SMC6: variants seen among roughly 807,000 people sequenced by gnomAD.
The protein encoded by SMC6 is structural maintenance of chromosomes 6.
SMC6 carries 79 observed loss-of-function variants against 142.2 expected under a neutral mutation model. The observed-to-expected ratio is 0.56, with a 90% CI of 0.46 to 0.67. The LOEUF is 0.67. Among genes scored for constraint, SMC6 ranks in the 30% least tolerant of loss-of-function variants. SMC6 has a pLI of 0.00. For synonymous variants in SMC6, 411 were observed against 412.4 expected (o/e 1.00, Z 0.04); for missense variants, 1,072 against 1,284.0 (o/e 0.83, Z 2.52).
intron 25 of SMC6, among the ~76,000 whole-genome samples, chr2:17,673,309 C>A (rs1403973365): frequency 6.6e-6 from 1 of 152,008 alleles, no homozygotes; most frequent in African/African-American, 2.4e-5. Context: ...TCACAAATAT[C>A]TTTTCCTAGT....
intron 6 of SMC6, 92 bp downstream of exon 6, chr2:17,731,648 AG>A: frequency 8.1e-7 from 1 of 1,230,670 alleles, no homozygotes; most frequent in Non-Finnish European, 1.2e-6. Flanking sequence ...TCATGTTACA[AG>A]GAAGATAGTT....
At chr2:17,701,992 G>A in intron 19 of SMC6, 83 bp from the exon 20 acceptor site, 1 of 706,500 alleles carries the variant, frequency 1.4e-6, no homozygotes, top group Non-Finnish European at 2.4e-6. Flanking sequence ...AATCTACAAA[G>A]CTCTATAATG....
In SMC6 at chr2:17,666,569, G is replaced by A. The variant is rs1409443830; in HGVS notation, c.3064-52C>T. 3 of 1,369,758 alleles carry A rather than the reference G, an allele frequency of 2.2e-6. No homozygotes were observed. In the Admixed American group the frequency reaches 5.2e-5, roughly 24 times the overall value. 84.9% of individuals were successfully genotyped at this position (1,369,758 alleles called of 1,614,324 possible). A position where few individuals can be genotyped will look rare whatever the true frequency, so the allele number is the denominator to read the frequency against. On this transcript the variant is annotated intron_variant, in intron 26 of 27. Transcript: ENST00000448223. The stretch of plus-strand genomic sequence containing the variant: ...TTGCTATTGTGTAAGTCACATTTCT[G>A]TAAAAGCAGCATTCTGTGGGCTGAT...
At chr2:17,747,416 T>C (rs781440067) in intron 2 of SMC6, among the ~76,000 whole-genome samples, 22 of 152,192 alleles carry the variant, frequency 1.4e-4, no homozygotes, top group Non-Finnish European at 5.9e-5. Context: ...TGTAATCTCT[T>C]TTACAAAGGA....
At chr2:17,715,128 C>T (rs1463536170) in intron 15 of SMC6, 63 bp from the exon 16 acceptor site, 2 of 1,466,356 alleles carry the variant, frequency 1.4e-6, no homozygotes, top group Non-Finnish European at 1.9e-6. Flanking sequence ...TTAACATCCT[C>T]CTCTTTAATT....
intron 3 of SMC6, among the ~76,000 whole-genome samples, chr2:17,743,550 C>CGTG (rs1360097438): frequency 6.6e-6 from 1 of 152,116 alleles, no homozygotes; most frequent in Non-Finnish European, 1.5e-5. Flanking sequence ...CCACTATCAG[C>CGTG]GTGGTACATG....
intron 9 of SMC6, among the ~76,000 whole-genome samples, chr2:17,724,774 G>A (rs1572333687): frequency 6.6e-6 from 1 of 152,172 alleles, no homozygotes; most frequent in African/African-American, 2.4e-5. Flanking sequence ...CCTACCAGTT[G>A]CTTAAGGAAT....
chr2:17,709,498 A>G (rs73921051), intron 16 of SMC6, among the ~76,000 whole-genome samples: 3,424 of 152,272 alleles, frequency 0.022, 99 homozygotes, highest in African/African-American at 0.063. Context: ...CTGAGGAGGA[A>G]AAGATGGTGG....
chr2:17,750,837 CT>C (rs1193550949), intron 2 of SMC6, among the ~76,000 whole-genome samples: 3 of 113,352 alleles, frequency 2.6e-5, no homozygotes, highest in African/African-American at 1.4e-4. Flanking sequence ...CCCATCTCTA[CT>C]AAAAATACAA....
chr2:17,705,550 A>G (rs1486724164), intron 18 of SMC6, among the ~76,000 whole-genome samples: 3 of 152,230 alleles, frequency 2.0e-5, no homozygotes, highest in African/African-American at 7.2e-5. Flanking sequence ...CCTAGGTGAC[A>G]GAGTGAGACC....
chr2:17,713,337 T>G lies in SMC6; in HGVS notation c.1730+1524A>C, dbSNP rs1316292300. ...AGCCAATCTAAACCCTTAAAGAAGG[T>G]ACCTCCTAGCAACTCCTGAGGCCCT... On this transcript the variant is annotated intron_variant, in intron 16 of 27. Transcript: ENST00000448223. 8.4e-6 allele frequency: 3 copies of G among 358,242 alleles called. No individual in the cohort carries two copies. In the East Asian group the frequency reaches 2.5e-4, roughly 29 times the overall value. The allele number at this position is 358,242 out of a possible 1,614,324, so 22.2% of individuals were successfully genotyped here. A position where few individuals can be genotyped will look rare whatever the true frequency, so the allele number is the denominator to read the frequency against.
chr2:17,729,618 A>T (rs1047407534), intron 7 of SMC6, among the ~76,000 whole-genome samples: 1 of 152,204 alleles, frequency 6.6e-6, no homozygotes, highest in African/African-American at 2.4e-5. Flanking sequence ...ATGCCCCTCA[A>T]GATTCTCCCA....
intron 23 of SMC6, among the ~76,000 whole-genome samples, chr2:17,685,764 G>A (rs1395657565): frequency 6.6e-6 from 1 of 151,938 alleles, no homozygotes; most frequent in Non-Finnish European, 1.5e-5. Context: ...CCAAAATCCA[G>A]ATGTAATCAA....
intron 25 of SMC6, among the ~76,000 whole-genome samples, chr2:17,671,485 T>C (rs1001240340): frequency 6.6e-6 from 1 of 151,432 alleles, no homozygotes; most frequent in Non-Finnish European, 1.5e-5. Flanking sequence ...GGCATACTCC[T>C]GTGGTCCCAA....
chr2:17,719,644 A>C (rs748403143), intron 11 of SMC6, among the ~76,000 whole-genome samples: 82 of 152,186 alleles, frequency 5.4e-4, no homozygotes, highest in Non-Finnish European at 9.1e-4. Flanking sequence ...ATAAGCTGAG[A>C]ATTGAGGGTG....
intron 9 of SMC6, among the ~76,000 whole-genome samples, chr2:17,723,690 A>T (rs756289750): frequency 1.3e-5 from 2 of 152,128 alleles, no homozygotes; most frequent in African/African-American, 4.8e-5. Context: ...ACGATACTCA[A>T]ATTATTTACC....
At chr2:17,738,167 T>A in intron 5 of SMC6, 54 bp downstream of exon 5, 2 of 1,329,234 alleles carry the variant, frequency 1.5e-6, no homozygotes, top group Non-Finnish European at 2.1e-6. Flanking sequence ...GAATCTAAAG[T>A]AACTGTTTTC....
intron 9 of SMC6, among the ~76,000 whole-genome samples, chr2:17,722,520 C>G (rs1029069805): frequency 6.6e-6 from 1 of 152,126 alleles, no homozygotes; most frequent in Non-Finnish European, 1.5e-5. Context: ...TTCTTCTTCC[C>G]TTTCTATCCA....
intron 23 of SMC6, among the ~76,000 whole-genome samples, chr2:17,687,823 CAA>C: frequency 6.6e-6 from 1 of 152,164 alleles, no homozygotes; most frequent in African/African-American, 2.4e-5. Context: ...ATTTCTAAAT[CAA>C]GTCAATTAAT....
Sources: gnomAD v4.1 joint callset for allele counts (sites outside exome capture counted in the v4.1 genomes callset) on GRCh38, gnomAD v4.1.1 for gene constraint, MANE v1.5 for transcripts, NCBI Gene and HGNC (gene_info 2026-07-23, HGNC 2026-07-21) for gene names.